The following SIAH3 variants were observed in gnomAD, a reference collection of about 807,000 sequenced individuals.
The protein encoded by SIAH3 is seven in absentia homolog 3.
In SIAH3, 9 loss-of-function variants were observed where a neutral mutation model predicts 12.6. That is an observed-to-expected ratio of 0.72 (90% CI 0.43 to 1.25). SIAH3 has a LOEUF of 1.25. Among genes scored for constraint, SIAH3 ranks in the 50% most tolerant of loss-of-function variants. SIAH3 has a pLI of 0.00. For missense variants in SIAH3, 390 were observed against 365.4 expected, an observed-to-expected ratio of 1.07 and a Z score of -0.55; for synonymous variants, 154 against 151.1, an observed-to-expected ratio of 1.02 and a Z score of -0.14.
intron 1 of SIAH3, among the ~76,000 whole-genome samples, chr13:45,829,754 C>G (rs550267096): frequency 6.6e-6 from 1 of 152,098 alleles, no homozygotes; most frequent in African/African-American, 2.4e-5. Flanking sequence ...TGCTTGTTTC[C>G]CTTTCTGTAT....
chr13:45,831,371 G>A (rs1950698564), intron 1 of SIAH3, among the ~76,000 whole-genome samples: 1 of 151,980 alleles, frequency 6.6e-6, no homozygotes, highest in Non-Finnish European at 1.5e-5. Flanking sequence ...ATTGAGGGAG[G>A]CACTAAGGCT....
chr13:45,801,095 C>CG (rs56007987), intron 1 of SIAH3, among the ~76,000 whole-genome samples: 3,753 of 114,034 alleles, frequency 0.033, 119 homozygotes, highest in African/African-American at 0.079. Flanking sequence ...TGATGGGTGG[C>CG]GGGGGGGGGC....
intron 1 of SIAH3, among the ~76,000 whole-genome samples, chr13:45,833,478 T>TGCACACACACAC (rs1420742345): frequency 6.8e-6 from 1 of 146,182 alleles, no homozygotes; most frequent in Admixed American, 6.8e-5. Context: ...CACACACACA[T>TGCACACACACAC]GCACACACAC....
intron 1 of SIAH3, among the ~76,000 whole-genome samples, chr13:45,790,044 G>T (rs542845709): frequency 5.3e-5 from 8 of 152,184 alleles, no homozygotes; most frequent in Non-Finnish European, 8.8e-5. Context: ...CTTGAAAGCT[G>T]GTTCCCTAAA....
At chr13:45,808,155 G>C (rs1344263996) in intron 1 of SIAH3, among the ~76,000 whole-genome samples, 1 of 152,084 alleles carries the variant, frequency 6.6e-6, no homozygotes, top group Admixed American at 6.5e-5. Flanking sequence ...TATAAATCAG[G>C]GCTTGATTTT....
At chr13:45,836,181 G>T (rs1414020717) in intron 1 of SIAH3, among the ~76,000 whole-genome samples, 1 of 152,178 alleles carries the variant, frequency 6.6e-6, no homozygotes, top group Non-Finnish European at 1.5e-5. Flanking sequence ...AGCAGGAAAG[G>T]CTTCACAGAG....
chr13:45,817,424 T>C (rs964240772), intron 1 of SIAH3, among the ~76,000 whole-genome samples: 1 of 152,244 alleles, frequency 6.6e-6, no homozygotes, highest in Non-Finnish European at 1.5e-5. Context: ...CTGATGCATT[T>C]CTCAGAATGT....
intron 1 of SIAH3, among the ~76,000 whole-genome samples, chr13:45,788,173 A>G (rs1950534268): frequency 6.6e-6 from 1 of 152,192 alleles, no homozygotes; most frequent in Non-Finnish European, 1.5e-5. Context: ...CCATCTTCTG[A>G]TGCAAAATAT....
chr13:45,818,857 G>A (rs113499364), intron 1 of SIAH3, among the ~76,000 whole-genome samples: 1,714 of 152,266 alleles, frequency 0.011, 20 homozygotes, highest in South Asian at 0.02. Flanking sequence ...GGTGGACAGC[G>A]GTGGGGGCCA....
intron 1 of SIAH3, among the ~76,000 whole-genome samples, chr13:45,823,611 T>C (rs899951034): frequency 2.0e-5 from 3 of 152,192 alleles, no homozygotes; most frequent in Admixed American, 2.0e-4. Context: ...ATTCTGTGAT[T>C]CTCCAAGCAC....
chr13:45,820,148 A>G (rs1486324987), intron 1 of SIAH3, among the ~76,000 whole-genome samples: 1 of 152,180 alleles, frequency 6.6e-6, no homozygotes, highest in African/African-American at 2.4e-5. Flanking sequence ...TCTTAATACC[A>G]TCACATTGGC....
chr13:45,784,098 C>T, intron 1 of SIAH3, 41 bp from the exon 2 acceptor site: 2 of 1,520,716 alleles, frequency 1.3e-6, no homozygotes, highest in Non-Finnish European at 1.8e-6. Context: ...GGATGAGGCC[C>T]ACTCTCCCAG....
intron 1 of SIAH3, among the ~76,000 whole-genome samples, chr13:45,850,587 A>C (rs1593391500): frequency 6.7e-6 from 1 of 148,508 alleles, no homozygotes; most frequent in South Asian, 2.2e-4. Context: ...CCCAGCCCCC[A>C]CCTCCCTGAC....
chr13:45,830,404 G>A, intron 1 of SIAH3, among the ~76,000 whole-genome samples: 1 of 152,260 alleles, frequency 6.6e-6, no homozygotes, highest in Non-Finnish European at 1.5e-5. Context: ...AGAAAGGGAA[G>A]TGTGAGCTCC....
At chr13:45,798,361 A>G (rs1050878318) in intron 1 of SIAH3, among the ~76,000 whole-genome samples, 2 of 152,246 alleles carry the variant, frequency 1.3e-5, no homozygotes, top group African/African-American at 4.8e-5. Context: ...ATATAAATTC[A>G]TCACTCACCA....
Position 45,784,000 on chromosome 13 carries a change from G to T in SIAH3, c.193C>A (p.Pro65Thr). 2 of 1,606,290 alleles carry T rather than the reference G, an allele frequency of 1.2e-6. No individual in the cohort carries two copies. Among genetic ancestry groups the T allele is most frequent in the South Asian group, 2.2e-5 (2 of 89,030 alleles). The part of the protein sequence containing the change: ...QSAPEQGSFH[P>T]HHLSHHHCHH... ...CAGTGGTGGTGGGAGAGATGGTGAG[G>T]GTGGAAGCTGCCTTGCTCTGGAGCG... Residue 65 changes from proline (P) to threonine (T), a missense_variant, in exon 2 of 2, where the codon CCT becomes ACT. Coordinates refer to ENST00000400405, the MANE Select transcript of SIAH3 (RefSeq NM_198849.3).
intron 1 of SIAH3, among the ~76,000 whole-genome samples, chr13:45,810,906 A>G (rs554001331): frequency 6.6e-6 from 1 of 152,330 alleles, no homozygotes; most frequent in Non-Finnish European, 1.5e-5. Context: ...GAGTGAGAAG[A>G]AAAGAGAATG....
intron 1 of SIAH3, among the ~76,000 whole-genome samples, chr13:45,824,139 C>T (rs570947203): frequency 2.0e-5 from 3 of 152,256 alleles, no homozygotes; most frequent in South Asian, 2.1e-4. Context: ...TTTTACAACC[C>T]GTTTTACATA....
At chr13:45,802,060 A>G (rs949568514) in intron 1 of SIAH3, among the ~76,000 whole-genome samples, 1 of 152,110 alleles carries the variant, frequency 6.6e-6, no homozygotes, top group Non-Finnish European at 1.5e-5. Context: ...AAATCCCAGC[A>G]CTTTGGGAGG....
Sources: gnomAD v4.1 joint callset for allele counts (sites outside exome capture counted in the v4.1 genomes callset) on GRCh38, gnomAD v4.1.1 for gene constraint, MANE v1.5 for transcripts, NCBI Gene and HGNC (gene_info 2026-07-23, HGNC 2026-07-21) for gene names.